PCDH15: variants seen among roughly 807,000 people sequenced by gnomAD.
PCDH15 encodes protocadherin-15.
In PCDH15, 129 loss-of-function variants were observed where a neutral mutation model predicts 178.5. That is an observed-to-expected ratio of 0.72 (90% CI 0.63 to 0.84). The LOEUF is 0.84. Among genes scored for constraint, PCDH15 ranks in the 40% least tolerant of loss-of-function variants. The pLI is 0.00. For missense variants in PCDH15, 2,230 were observed against 2,099.9 expected (o/e 1.06, Z -1.21); for synonymous variants, 800 against 732.0 (o/e 1.09, Z -1.50).
At chr10:55,142,266 G>A (rs1204874453) in intron 2 of PCDH15, among the ~76,000 whole-genome samples, 2 of 151,990 alleles carry the variant, frequency 1.3e-5, no homozygotes, top group Admixed American at 6.6e-5. Flanking sequence ...AAACTATTGA[G>A]TCTGGCAATG....
At chr10:54,975,881 C>T (rs550796541) in intron 2 of PCDH15, among the ~76,000 whole-genome samples, 27 of 152,092 alleles carry the variant, frequency 1.8e-4, no homozygotes, top group African/African-American at 6.3e-4. Flanking sequence ...CTGGGGAATC[C>T]CTGAATGACT....
chr10:54,884,497 G>A (rs1388640439), intron 3 of PCDH15, among the ~76,000 whole-genome samples: 9 of 151,814 alleles, frequency 5.9e-5, no homozygotes, highest in Non-Finnish European at 1.3e-4. Context: ...GTGTGTGTGT[G>A]TGTGTGTGTG....
intron 26 of PCDH15, among the ~76,000 whole-genome samples, chr10:53,876,198 GT>G (rs66727745): frequency 0.15 from 21,979 of 145,434 alleles, 4,105 homozygotes; most frequent in African/African-American, 0.44. Context: ...TTGTTTTTTT[GT>G]TTTTTTTTTG....
chr10:54,170,391 C>T (rs1294506252), intron 13 of PCDH15, among the ~76,000 whole-genome samples: 1 of 152,018 alleles, frequency 6.6e-6, no homozygotes, highest in Non-Finnish European at 1.5e-5. Context: ...GTCTAGCCCT[C>T]ATGTCTGCGT....
chr10:53,889,020 G>A (rs1264516712), intron 26 of PCDH15, among the ~76,000 whole-genome samples: 2 of 149,104 alleles, frequency 1.3e-5, no homozygotes, highest in African/African-American at 4.9e-5. Flanking sequence ...ATATCCACAT[G>A]GGAAATAAAA....
In PCDH15 at chr10:54,599,101, T is replaced by C. The variant is rs538605251; in HGVS notation, c.91+65071A>G. Among the ~76,000 whole-genome samples the C allele has an allele frequency of 3.3e-5, 5 of 152,016 alleles. No individual in the cohort carries two copies. In the East Asian group the frequency reaches 9.7e-4, roughly 29 times the overall value. ...TATTCCTATCTAATTAGCAACTACATTATTCCTATCCAATTAGCAATTACA... is the reference window on the plus strand; with the variant it reads ...TATTCCTATCTAATTAGCAACTACACTATTCCTATCCAATTAGCAATTACA... On this transcript the variant is annotated intron_variant, in intron 2 of 37. Transcript: ENST00000644397.
At chr10:55,318,614 T>G (rs928326692) in intron 1 of PCDH15, among the ~76,000 whole-genome samples, 8 of 151,918 alleles carry the variant, frequency 5.3e-5, no homozygotes, top group African/African-American at 1.9e-4. Context: ...AAAAGAGGCA[T>G]GGCAAAGAAA....
chr10:54,532,192 A>C (rs1045337093), intron 2 of PCDH15, among the ~76,000 whole-genome samples: 1 of 152,112 alleles, frequency 6.6e-6, no homozygotes, highest in African/African-American at 2.4e-5. Flanking sequence ...TTATAATTAA[A>C]ACCTTGCTTA....
At chr10:54,820,087 G>A (rs1192837684) in intron 3 of PCDH15, among the ~76,000 whole-genome samples, 2 of 151,908 alleles carry the variant, frequency 1.3e-5, no homozygotes, top group Non-Finnish European at 2.9e-5. Context: ...TGAAAGTTTT[G>A]TTATCTTTCC....
Position 54,811,463 on chromosome 10 carries a change from AT to A in PCDH15, c.-29+85986del, listed in dbSNP as rs563821585. On this transcript the variant is annotated intron_variant, in intron 3 of 5. Transcript: ENST00000458638. ...TCGCTAATTCAGTTATAGCTAAATA[AT>A]TTTTTTTATTTTATTTTTATTTTTT... is the stretch of plus-strand genomic sequence containing the variant. 3.9e-3 allele frequency among the ~76,000 whole-genome samples: 589 copies of A among 151,932 alleles called. 5 individuals carry two copies. Among genetic ancestry groups the A allele is most frequent in the African/African-American group, 0.01 (435 of 41,434 alleles).
At chr10:55,180,903 C>T (rs939797930) in intron 1 of PCDH15, among the ~76,000 whole-genome samples, 1 of 151,890 alleles carries the variant, frequency 6.6e-6, no homozygotes, top group Admixed American at 6.6e-5. Flanking sequence ...AATAAAAATA[C>T]CTTGGCTGTC....
chr10:55,377,934 A>C (rs555337453), intron 2 of PCDH15, among the ~76,000 whole-genome samples: 1 of 152,140 alleles, frequency 6.6e-6, no homozygotes, highest in Admixed American at 6.6e-5. Flanking sequence ...GGAAACCATC[A>C]CTCTCAGCAA....
At chr10:55,093,050 C>T (rs1053817603) in intron 2 of PCDH15, among the ~76,000 whole-genome samples, 23 of 151,720 alleles carry the variant, frequency 1.5e-4, no homozygotes, top group Admixed American at 5.3e-4. Flanking sequence ...AACTGTGGTA[C>T]CAGATAAAAT....
chr10:54,059,283 T>C (rs969440341), intron 18 of PCDH15, among the ~76,000 whole-genome samples: 8 of 152,116 alleles, frequency 5.3e-5, no homozygotes, highest in Admixed American at 3.3e-4. Context: ...ATTGACTTAT[T>C]TATTATTGTT....
intron 2 of PCDH15, among the ~76,000 whole-genome samples, chr10:55,564,243 T>G (rs1842255838): frequency 6.6e-6 from 1 of 151,652 alleles, no homozygotes; most frequent in Non-Finnish European, 1.5e-5. Context: ...CATTAATAAC[T>G]AAAAAAATGT....
At chr10:53,964,187 T>C (rs1452608205) in intron 21 of PCDH15, among the ~76,000 whole-genome samples, 1 of 152,066 alleles carries the variant, frequency 6.6e-6, no homozygotes, top group South Asian at 2.1e-4. Flanking sequence ...CTTTAAATTA[T>C]CTTTCTTCAG....
intron 8 of PCDH15, among the ~76,000 whole-genome samples, chr10:54,266,283 C>T (rs1224476350): frequency 3.3e-5 from 5 of 151,410 alleles, no homozygotes; most frequent in Admixed American, 1.3e-4. Flanking sequence ...ACACAATGAA[C>T]AAAAACCTCT....
intron 18 of PCDH15, among the ~76,000 whole-genome samples, chr10:54,028,375 T>G (rs1172953391): frequency 6.7e-6 from 1 of 148,920 alleles, no homozygotes; most frequent in Non-Finnish European, 1.5e-5. Context: ...TGGAAGTCAG[T>G]GTGGCGATTC....
intron 3 of PCDH15, among the ~76,000 whole-genome samples, chr10:54,498,637 T>C (rs1043247502): frequency 2.6e-5 from 4 of 152,134 alleles, no homozygotes; most frequent in African/African-American, 9.7e-5. Flanking sequence ...AAGGGTCCTA[T>C]TCTTATTACA....
Sources: gnomAD v4.1 joint callset for allele counts (sites outside exome capture counted in the v4.1 genomes callset) on GRCh38, gnomAD v4.1.1 for gene constraint, MANE v1.5 for transcripts, NCBI Gene and HGNC (gene_info 2026-07-23, HGNC 2026-07-21) for gene names.